The following TBC1D12 variants were observed in gnomAD, a reference collection of about 807,000 sequenced individuals.
The protein encoded by TBC1D12 is TBC1 domain family member 12, also known as TBC1 domain family, member 12.
In TBC1D12, 56 loss-of-function variants were observed where a neutral mutation model predicts 86.7. The observed-to-expected ratio is 0.65, with a 90% CI of 0.52 to 0.81. The LOEUF is 0.81. TBC1D12 is among the 30% of genes least tolerant of loss of function. The probability of loss-of-function intolerance (pLI) is 0.00; values close to 1 mark genes in which losing one functional copy is unlikely to be tolerated. For missense variants in TBC1D12, 1,023 were observed against 1,038.8 expected, an observed-to-expected ratio of 0.98 and a Z score of 0.21; for synonymous variants, 421 against 411.7, an observed-to-expected ratio of 1.02 and a Z score of -0.27.
intron 1 of TBC1D12, among the ~76,000 whole-genome samples, chr10:94,406,996 C>T (rs1421242934): frequency 1.3e-5 from 2 of 152,042 alleles, no homozygotes; most frequent in Admixed American, 1.3e-4. Context: ...CTTCTTCTTC[C>T]CTTCCCACTT....
intron 1 of TBC1D12, among the ~76,000 whole-genome samples, chr10:94,426,640 C>T (rs187191137): frequency 2.5e-3 from 384 of 152,150 alleles, no homozygotes; most frequent in African/African-American, 4.4e-3. Flanking sequence ...GCAGTGGTAA[C>T]GATCTCGGCT....
chr10:94,459,494 G>A (rs532368554), intron 2 of TBC1D12, among the ~76,000 whole-genome samples: 5 of 152,270 alleles, frequency 3.3e-5, no homozygotes, highest in African/African-American at 1.2e-4. Flanking sequence ...CTGTGCGCCC[G>A]CATTCCTCAG....
intron 9 of TBC1D12, among the ~76,000 whole-genome samples, chr10:94,515,480 T>C (rs998289168): frequency 6.6e-6 from 1 of 152,024 alleles, no homozygotes; most frequent in Non-Finnish European, 1.5e-5. Context: ...CCCAAGTAGC[T>C]GGGATTACAG....
intron 6 of TBC1D12, among the ~76,000 whole-genome samples, chr10:94,504,179 A>G (rs1017276532): frequency 3.9e-5 from 6 of 152,200 alleles, no homozygotes; most frequent in African/African-American, 9.7e-5. Flanking sequence ...TTAAGAATCA[A>G]TTTTGCAAAC....
At chr10:94,487,914 C>A (rs1205715217) in intron 3 of TBC1D12, among the ~76,000 whole-genome samples, 1 of 151,608 alleles carries the variant, frequency 6.6e-6, no homozygotes, top group Non-Finnish European at 1.5e-5. Context: ...GTTGCCCAGG[C>A]TGATCTTGAA....
At chr10:94,422,251 G>A (rs1251261439) in intron 1 of TBC1D12, among the ~76,000 whole-genome samples, 7 of 142,196 alleles carry the variant, frequency 4.9e-5, no homozygotes, top group East Asian at 2.2e-4. Context: ...ATGCAGTGTC[G>A]CGATCTCAGC....
At chr10:94,485,544 C>CTT (rs772788846) in intron 3 of TBC1D12, among the ~76,000 whole-genome samples, 63 of 122,756 alleles carry the variant, frequency 5.1e-4, no homozygotes, top group East Asian at 1.6e-3. Context: ...TGTAGTTTTC[C>CTT]TTTTTTTTTT....
intron 2 of TBC1D12, among the ~76,000 whole-genome samples, chr10:94,470,330 A>T (rs969939251): frequency 6.6e-6 from 1 of 152,150 alleles, no homozygotes; most frequent in Non-Finnish European, 1.5e-5. Flanking sequence ...ATATAATCTT[A>T]TGATGAATTT....
intron 3 of TBC1D12, among the ~76,000 whole-genome samples, chr10:94,478,161 C>A (rs2056021162): frequency 6.6e-6 from 1 of 152,048 alleles, no homozygotes; most frequent in Non-Finnish European, 1.5e-5. Context: ...GTAGTCCTAG[C>A]CTACTTGGGA....
At chr10:94,408,398 A>G (rs1007265468) in intron 1 of TBC1D12, among the ~76,000 whole-genome samples, 1 of 152,178 alleles carries the variant, frequency 6.6e-6, no homozygotes, top group Non-Finnish European at 1.5e-5. Flanking sequence ...AGCTCTTTTT[A>G]CAATGGTTGG....
At chr10:94,522,233 G>A (rs959765611) in intron 10 of TBC1D12, 111 bp from the exon 11 acceptor site, 12 of 1,178,408 alleles carry the variant, frequency 1.0e-5, no homozygotes, top group Admixed American at 3.0e-5. Context: ...AGAAGACTCA[G>A]AAAAAGATGA....
At chr10:94,514,176 G>A (rs2056560436) in intron 9 of TBC1D12, among the ~76,000 whole-genome samples, 1 of 151,980 alleles carries the variant, frequency 6.6e-6, no homozygotes, top group South Asian at 2.1e-4. Flanking sequence ...GGAGTTTTAA[G>A]ACCAGCCTGA....
intron 5 of TBC1D12, among the ~76,000 whole-genome samples, chr10:94,499,396 T>C (rs973200552): frequency 2.0e-5 from 3 of 152,210 alleles, no homozygotes; most frequent in East Asian, 1.9e-4. Context: ...ATTCCACATA[T>C]AAGTGAGGTT....
At chr10:94,403,752 A>G (rs1317284417) in intron 1 of TBC1D12, among the ~76,000 whole-genome samples, 168 bp downstream of exon 1, 2 of 152,124 alleles carry the variant, frequency 1.3e-5, no homozygotes, top group African/African-American at 4.8e-5. Context: ...TCACTGGAGG[A>G]AGAGGAACTG....
chr10:94,531,749 G>GTTATTTTATT (rs10664686), intron 12 of TBC1D12, among the ~76,000 whole-genome samples: 1 of 49,642 alleles, frequency 2.0e-5, no homozygotes, highest in East Asian at 7.9e-4. Context: ...GTTATTTTAT[G>GTTATTTTATT]TTATTTTATT....
chr10:94,403,357 C>T lies in TBC1D12; in HGVS notation c.744C>T (p.Pro248=), dbSNP rs1481737030. Residue 248 remains proline, a synonymous_variant, in exon 1 of 13, where the codon CCC becomes CCT. Transcript: ENST00000225235. ...VGAGGPEEGA[P]PATSAERTNG... ...CCGGGGGTCCCGAGGAGGGCGCGCC[C>T]CCTGCCACCTCGGCCGAGAGGACTA... 2 of 1,527,122 alleles carry T rather than the reference C, an allele frequency of 1.3e-6. No homozygotes were observed. Among genetic ancestry groups the T allele is most frequent in the Admixed American group, 4.1e-5 (2 of 48,800 alleles). The allele number at this position is 1,527,122 out of a possible 1,614,324, so 94.6% of individuals were successfully genotyped here.
At chr10:94,515,038 G>C (rs1436938560) in intron 9 of TBC1D12, among the ~76,000 whole-genome samples, 1 of 148,358 alleles carries the variant, frequency 6.7e-6, no homozygotes, top group Non-Finnish European at 1.5e-5. Flanking sequence ...CTCCCAAGTA[G>C]CTGGGACTAC....
intron 2 of TBC1D12, among the ~76,000 whole-genome samples, chr10:94,467,772 G>C (rs2134134299): frequency 6.6e-6 from 1 of 152,270 alleles, no homozygotes; most frequent in Middle Eastern, 3.4e-3. Flanking sequence ...CTATTGCCCA[G>C]GTTGGGGTGC....
rs78842912 is a variant in TBC1D12, at chr10:94,450,712, C to A, written c.1095+8693C>A. ...GTATATCAAGGAGACATATGCAACCCCATGTTTATTGCAGAACTATTCACA... is the reference window on the plus strand; with the variant it reads ...GTATATCAAGGAGACATATGCAACCACATGTTTATTGCAGAACTATTCACA... On this transcript the variant is annotated intron_variant, in intron 2 of 12. Transcript: ENST00000225235. Among the ~76,000 whole-genome samples, 525 of 152,070 alleles carry A rather than the reference C, an allele frequency of 3.5e-3. 4 individuals carry two copies. Among genetic ancestry groups the A allele is most frequent in the Non-Finnish European group, 6.2e-3 (418 of 67,926 alleles).
Sources: allele counts gnomAD v4.1 joint callset (sites outside exome capture counted in the v4.1 genomes callset), GRCh38; gene constraint gnomAD v4.1.1; transcripts MANE v1.5; gene names NCBI Gene and HGNC (gene_info 2026-07-23, HGNC 2026-07-21).